EDDM13: variants seen among roughly 807,000 people sequenced by gnomAD.
The protein encoded by EDDM13 is epididymal protein 13.
Under a neutral mutation model 17.8 loss-of-function variants are expected in EDDM13, and 24 were observed. That is an observed-to-expected ratio of 1.35 (90% CI 0.98 to 1.90). The LOEUF is 1.90. Ranked by LOEUF, EDDM13 falls within the 40% of genes most tolerant of loss-of-function variation. The pLI, the probability that EDDM13 is intolerant of heterozygous loss-of-function variation, is 0.00. For synonymous variants in EDDM13, 31 were observed against 37.5 expected, an observed-to-expected ratio of 0.83 and a Z score of 0.63; for missense variants, 97 against 100.8, an observed-to-expected ratio of 0.96 and a Z score of 0.16.
chr19:56,282,159 C>T lies in EDDM13; in HGVS notation c.110-332C>T, dbSNP rs373978817. 9.8e-4 allele frequency among the ~76,000 whole-genome samples: 149 copies of T among 152,196 alleles called. 1 individual carries two copies. Among genetic ancestry groups the T allele is most frequent in the African/African-American group, 3.1e-3 (129 of 41,518 alleles). ...TTTCCCAGAATTAACATCCAGTCTCCGGTTGAGAAGTGGAGATGACACTTG... is the reference window on the plus strand; with the variant it reads ...TTTCCCAGAATTAACATCCAGTCTCTGGTTGAGAAGTGGAGATGACACTTG... On this transcript the variant is annotated intron_variant, in intron 3 of 14. Coordinates refer to ENST00000649256, the MANE Select transcript of EDDM13 (RefSeq NM_001354658.2).
chr19:56,283,706 T>C (rs2038887950), intron 4 of EDDM13: 1 of 152,226 alleles, frequency 6.6e-6, no homozygotes, highest in Non-Finnish European at 1.5e-5. Flanking sequence ...TTTGAGTTCC[T>C]GCTTTTTCAC....
intron 13 of EDDM13, among the ~76,000 whole-genome samples, chr19:56,302,585 TTTC>T (rs1376027034): frequency 2.1e-4 from 9 of 43,774 alleles, no homozygotes; most frequent in African/African-American, 1.4e-3. Flanking sequence ...TCCTCCCCCT[TTTC>T]TTCCTCTCCC....
intron 1 of EDDM13, among the ~76,000 whole-genome samples, 47 bp from the exon 2 acceptor site, chr19:56,276,045 C>G (rs980492663): frequency 2.0e-5 from 3 of 152,216 alleles, no homozygotes; most frequent in African/African-American, 7.2e-5. Context: ...TCTCTCTCTG[C>G]TCCCTGCTCC....
rs911332844 is a variant in EDDM13, at chr19:56,304,844, G to A, written c.461+14G>A. 18 of 979,976 alleles carry A rather than the reference G, an allele frequency of 1.8e-5. No homozygotes were observed. The highest frequency in any genetic ancestry group is 2.2e-5 in the Non-Finnish European group (18 of 824,984). The allele number at this position is 979,976 out of a possible 1,614,324, so 60.7% of individuals were successfully genotyped here. On this transcript the variant is annotated intron_variant, in intron 14 of 14. Transcript: ENST00000649256. ...ACTGGACATCAGGTATGCTATGGCAGGGAAGTGGGCTTTTCCCACCGCTGG... is the reference window on the plus strand; with the variant it reads ...ACTGGACATCAGGTATGCTATGGCAAGGAAGTGGGCTTTTCCCACCGCTGG...
At chr19:56,307,030 A>G (rs927898023) in intron 14 of EDDM13, among the ~76,000 whole-genome samples, 5 of 39,954 alleles carry the variant, frequency 1.3e-4, no homozygotes, top group African/African-American at 5.1e-4. Flanking sequence ...ATCTGCAAAG[A>G]GGGTCCCCCC....
chr19:56,309,635 C>T (rs2040905784), intron 14 of EDDM13, among the ~76,000 whole-genome samples: 1 of 152,200 alleles, frequency 6.6e-6, no homozygotes, highest in Non-Finnish European at 1.5e-5. Flanking sequence ...CAGAAGCAAA[C>T]CTTAAGGTTC....
At chr19:56,305,040 C>T (rs990909028) in intron 14 of EDDM13, among the ~76,000 whole-genome samples, 1 of 152,160 alleles carries the variant, frequency 6.6e-6, no homozygotes, top group African/African-American at 2.4e-5. Context: ...TTGTAAATGA[C>T]AGGGATGTGC....
In EDDM13 at chr19:56,302,006, C is replaced by G. The variant is rs2040265638; in HGVS notation, c.334C>G (p.Leu112Val). Reference protein sequence around the residue: ...FSGTTPSRKPLPKRKNTWNFL... With the variant: ...FSGTTPSRKPVPKRKNTWNFL... ...AGGCACCACCCCATCCAGGAAACCA[C>G]TCCCCAAGAGGAAGAACACGTGGAA... The change falls in exon 13 of 15, where the codon CTC becomes GTC. Residue 112 changes from leucine to valine, a missense_variant. By Grantham distance (32) the Leu-to-Val change is conservative. Coordinates refer to ENST00000649256, the MANE Select transcript of EDDM13 (RefSeq NM_001354658.2). 1.6e-6 allele frequency: 2 copies of G among 1,232,040 alleles called. No homozygotes were observed. Among genetic ancestry groups the G allele is most frequent in the Non-Finnish European group, 2.0e-6 (2 of 988,330 alleles). The allele number at this position is 1,232,040 out of a possible 1,614,324, so 76.3% of individuals were successfully genotyped here.
intron 6 of EDDM13, among the ~76,000 whole-genome samples, chr19:56,287,671 A>AG (rs2147123518): frequency 6.6e-6 from 1 of 152,292 alleles, no homozygotes; most frequent in African/African-American, 2.4e-5. Context: ...CAGGGGGTTG[A>AG]GGCAGATGTG....
intron 7 of EDDM13, among the ~76,000 whole-genome samples, 31 bp from the exon 8 acceptor site, chr19:56,288,843 C>CA (rs1228817330): frequency 6.6e-6 from 1 of 152,184 alleles, no homozygotes; most frequent in African/African-American, 2.4e-5. Flanking sequence ...CCCTCCGTTG[C>CA]AACCTGGGCT....
chr19:56,304,864 C>T (rs1237021427), intron 14 of EDDM13, 34 bp downstream of exon 14: 13 of 930,002 alleles, frequency 1.4e-5, no homozygotes, highest in East Asian at 1.2e-4. Flanking sequence ...CTTTTCCCAC[C>T]GCTGGGGTGG....
intron 13 of EDDM13, among the ~76,000 whole-genome samples, chr19:56,304,228 C>G (rs568836726): frequency 6.6e-6 from 1 of 152,316 alleles, no homozygotes; most frequent in East Asian, 1.9e-4. Flanking sequence ...GAGAGCCGTG[C>G]AGCAGTTCTA....
At chr19:56,285,142 C>A in intron 6 of EDDM13, 118 bp downstream of exon 6, 1 of 358,598 alleles carries the variant, frequency 2.8e-6, no homozygotes, top group Non-Finnish European at 3.9e-6. Context: ...AGGTATTATC[C>A]AAGCACATGT....
chr19:56,276,183 T>C (rs1388883254), intron 2 of EDDM13, among the ~76,000 whole-genome samples, 74 bp downstream of exon 2: 1 of 152,228 alleles, frequency 6.6e-6, no homozygotes, highest in East Asian at 1.9e-4. Context: ...TCTTGCAACC[T>C]CTCTGGCAAT....
intron 9 of EDDM13, among the ~76,000 whole-genome samples, chr19:56,295,464 G>A (rs1354854264): frequency 6.6e-6 from 1 of 151,968 alleles, no homozygotes; most frequent in East Asian, 1.9e-4. Flanking sequence ...GTGTGGTTGC[G>A]GGTGCCTGTG....
chr19:56,303,104 TGAG>T (rs1343539717), intron 13 of EDDM13: 1 of 383,098 alleles, frequency 2.6e-6, no homozygotes, highest in Non-Finnish European at 4.6e-6. Flanking sequence ...ATTAGCCAAT[TGAG>T]GAGGGGAAGC....
intron 14 of EDDM13, among the ~76,000 whole-genome samples, chr19:56,305,258 G>A (rs970756262): frequency 6.8e-5 from 9 of 131,522 alleles, no homozygotes; most frequent in African/African-American, 1.9e-4. Flanking sequence ...TCTTCCCCCT[G>A]TTCCTGGCAA....
intron 2 of EDDM13, among the ~76,000 whole-genome samples, chr19:56,280,204 T>C (rs1161157794): frequency 3.3e-5 from 5 of 152,248 alleles, no homozygotes; most frequent in African/African-American, 4.8e-5. Flanking sequence ...CTGTTCTGTA[T>C]GCACCTTACT....
chr19:56,289,038 C>G (rs2039334423), intron 8 of EDDM13, among the ~76,000 whole-genome samples, 147 bp downstream of exon 8: 1 of 152,192 alleles, frequency 6.6e-6, no homozygotes, highest in African/African-American at 2.4e-5. Flanking sequence ...ATCATCAGTA[C>G]AGATTCTGCC....
Sources: allele counts gnomAD v4.1 joint callset (sites outside exome capture counted in the v4.1 genomes callset), GRCh38; gene constraint gnomAD v4.1.1; transcripts MANE v1.5; gene names NCBI Gene and HGNC (gene_info 2026-07-23, HGNC 2026-07-21).